Variants in NPR3 observed in about 807,000 individuals in gnomAD.
NPR3 encodes the protein atrial natriuretic peptide receptor 3.
Under a neutral mutation model 54.5 loss-of-function variants are expected in NPR3, and 34 were observed. That is an observed-to-expected ratio of 0.62 (90% CI 0.47 to 0.83). The LOEUF is 0.83. Ranked by LOEUF, NPR3 falls within the 40% of genes least tolerant of loss-of-function variation. The pLI, the probability that NPR3 is intolerant of heterozygous loss-of-function variation, is 0.00. For synonymous variants in NPR3, 289 were observed against 297.1 expected (o/e 0.97, Z 0.28); for missense variants, 674 against 720.8 (o/e 0.94, Z 0.74).
chr5:32,715,953 G>A (rs1444863412), intron 1 of NPR3, among the ~76,000 whole-genome samples: 5 of 152,146 alleles, frequency 3.3e-5, no homozygotes, highest in African/African-American at 1.2e-4. Flanking sequence ...GAATTAGTCT[G>A]GGGTAAATGA....
In NPR3 at chr5:32,782,835, G is replaced by A. The variant is rs978594723; in HGVS notation, c.1291-58G>A. 11 of 1,510,944 alleles carry A rather than the reference G, an allele frequency of 7.3e-6. No homozygotes were observed. In the East Asian group the frequency reaches 1.8e-4, roughly 25 times the overall value. 93.6% of individuals were successfully genotyped at this position (1,510,944 alleles called of 1,614,324 possible). A position where few individuals can be genotyped will look rare whatever the true frequency, so the allele number is the denominator to read the frequency against. On this transcript the variant is annotated intron_variant, in intron 5 of 7. Transcript: ENST00000265074. ...TTGGGGAATAGCTGTGGAAGGCTGC[G>A]AGCTTTGTGCCTCCTTTGACTTTTT...
rs201477214 is a variant in NPR3, at chr5:32,784,818, A to T, written c.1449A>T (p.Ala483=). The change falls in exon 7 of 8, where the codon GCA becomes GCT. Residue 483 remains alanine (A), a synonymous_variant. Transcript: ENST00000265074. ...AAGCAGGTGGCCTAGAAGAATCGGC[A>T]GTGACAGGAATTGTCGTGGGGGCTT... is the stretch of plus-strand genomic sequence containing the variant. ...CKSSGGLEES[A]VTGIVVGALL... is the part of the protein sequence containing the mutation. 6.2e-7 allele frequency: 1 copy of T among 1,613,778 alleles called. No homozygotes were observed. The highest frequency in any genetic ancestry group is 8.5e-7 in the Non-Finnish European group (1 of 1,179,742).
At chr5:32,728,875 A>ATATATATG (rs1739294369) in intron 2 of NPR3, among the ~76,000 whole-genome samples, 1 of 138,220 alleles carries the variant, frequency 7.2e-6, no homozygotes, top group African/African-American at 2.6e-5. Context: ...ATATATATAT[A>ATATATATG]TGTAAAATGA....
intron 3 of NPR3, among the ~76,000 whole-genome samples, chr5:32,745,606 C>T (rs965123961): frequency 6.6e-6 from 1 of 152,212 alleles, no homozygotes; most frequent in Non-Finnish European, 1.5e-5. Flanking sequence ...CATAAGGGGG[C>T]AAACCCATGA....
intron 1 of NPR3, among the ~76,000 whole-genome samples, chr5:32,702,936 T>C (rs1424353184): frequency 1.3e-5 from 2 of 152,224 alleles, no homozygotes; most frequent in African/African-American, 2.4e-5. Flanking sequence ...GTTTCCTGAC[T>C]TTTTAATGAT....
intron 4 of NPR3, 73 bp downstream of exon 4, chr5:32,774,916 G>A: frequency 1.6e-6 from 2 of 1,238,216 alleles, no homozygotes; most frequent in Non-Finnish European, 2.4e-6. Flanking sequence ...GTATTTCTCA[G>A]TTGCAGCTGT....
At chr5:32,758,651 G>A (rs1485997877) in intron 3 of NPR3, among the ~76,000 whole-genome samples, 1 of 152,006 alleles carries the variant, frequency 6.6e-6, no homozygotes, top group Admixed American at 6.6e-5. Flanking sequence ...GCTAGCTTTT[G>A]AATGTGTTTG....
chr5:32,692,965 A>G (rs1319020414), intron 1 of NPR3, among the ~76,000 whole-genome samples: 1 of 152,168 alleles, frequency 6.6e-6, no homozygotes, highest in African/African-American at 2.4e-5. Flanking sequence ...CTACAAAAAA[A>G]TAAAAAAATT....
chr5:32,713,577 T>A (rs1738384148), intron 1 of NPR3: 2 of 678,968 alleles, frequency 2.9e-6, no homozygotes, highest in South Asian at 6.6e-5. Flanking sequence ...GGAATGTGAG[T>A]GGTGCAATCC....
At chr5:32,719,313 G>A (rs1386507484) in intron 1 of NPR3, among the ~76,000 whole-genome samples, 1 of 151,986 alleles carries the variant, frequency 6.6e-6, no homozygotes, top group Admixed American at 6.6e-5. Context: ...TTATGTTTTT[G>A]TTTTGTTGGA....
intron 3 of NPR3, among the ~76,000 whole-genome samples, chr5:32,773,049 TG>T (rs144289387): frequency 0.18 from 27,743 of 152,082 alleles, 2,796 homozygotes; most frequent in South Asian, 0.25. Context: ...TGTGAATGTT[TG>T]TGTATCTGAA....
chr5:32,734,277 A>C (rs991054262), intron 2 of NPR3, among the ~76,000 whole-genome samples: 1 of 152,160 alleles, frequency 6.6e-6, no homozygotes, highest in Non-Finnish European at 1.5e-5. Flanking sequence ...CTGTGGGGCC[A>C]GGCCAGGTGA....
At chr5:32,772,722 A>G (rs1290385831) in intron 3 of NPR3, among the ~76,000 whole-genome samples, 3 of 152,216 alleles carry the variant, frequency 2.0e-5, no homozygotes, top group African/African-American at 7.2e-5. Flanking sequence ...TACAGCAACA[A>G]AAGCTAACAG....
chr5:32,755,095 C>T (rs1740767606), intron 3 of NPR3, among the ~76,000 whole-genome samples: 1 of 152,220 alleles, frequency 6.6e-6, no homozygotes, highest in Non-Finnish European at 1.5e-5. Context: ...CTCCTGACCT[C>T]GTGATCCGTC....
rs376919834 is a variant in NPR3, at chr5:32,791,655, A to C, written c.*5310A>C. ...ATGTGTCCTTGTAAATGTTTCTATC[A>C]AGCAAGAATGCCACGTACTCAGAGT... On this transcript the variant is annotated 3_prime_UTR_variant, in exon 8 of 8. Coordinates refer to ENST00000265074, the MANE Select transcript of NPR3 (RefSeq NM_001204375.2). 6.0e-6 allele frequency: 1 copy of C among 166,856 alleles called. No individual in the cohort carries two copies. The allele number at this position is 166,856 out of a possible 1,614,324, so 10.3% of individuals were successfully genotyped here.
intron 1 of NPR3, among the ~76,000 whole-genome samples, chr5:32,722,369 C>T (rs1738910736): frequency 6.6e-6 from 1 of 152,198 alleles, no homozygotes. Context: ...TATAATTTGT[C>T]TCTCCAGTTA....
rs1742842534 is a variant in NPR3 at position 32,790,282 on chromosome 5, T to C, written c.*3937T>C. Reference sequence around the variant, plus strand: ...ATACTCAGCAAGAAGAATCAGAAGCTTGATCCTCTAACAGAAATAGAAGAG... The same window carrying C: ...ATACTCAGCAAGAAGAATCAGAAGCCTGATCCTCTAACAGAAATAGAAGAG... On this transcript the variant is annotated 3_prime_UTR_variant, in exon 8 of 8. Coordinates refer to ENST00000265074, the MANE Select transcript of NPR3 (RefSeq NM_001204375.2). 1 of 154,958 alleles carries C rather than the reference T, an allele frequency of 6.5e-6. No homozygotes were observed. Among genetic ancestry groups the C allele is most frequent in the South Asian group, 2.0e-4 (1 of 5,012 alleles). The allele number at this position is 154,958 out of a possible 1,614,324, so 9.6% of individuals were successfully genotyped here. A position where few individuals can be genotyped will look rare whatever the true frequency, so the allele number is the denominator to read the frequency against.
At chr5:32,700,556 C>A (rs994073015) in intron 1 of NPR3, among the ~76,000 whole-genome samples, 11 of 151,924 alleles carry the variant, frequency 7.2e-5, no homozygotes, top group African/African-American at 2.7e-4. Context: ...AGCCCCCCAC[C>A]CCCCGACAGG....
At chr5:32,714,934 G>A (rs955559583) in intron 1 of NPR3, among the ~76,000 whole-genome samples, 5 of 152,168 alleles carry the variant, frequency 3.3e-5, no homozygotes, top group Non-Finnish European at 7.3e-5. Flanking sequence ...GTAAAGTGGG[G>A]GTAGTCAGAG....
Sources: allele counts gnomAD v4.1 joint callset (sites outside exome capture counted in the v4.1 genomes callset), GRCh38; gene constraint gnomAD v4.1.1; transcripts MANE v1.5; gene names NCBI Gene and HGNC (gene_info 2026-07-23, HGNC 2026-07-21).